SGK1: variants seen among roughly 807,000 people sequenced by gnomAD.
SGK1 encodes serine/threonine-protein kinase Sgk1.
SGK1 carries 26 observed loss-of-function variants against 64.2 expected under a neutral mutation model. The ratio of observed to expected loss-of-function variants is 0.40; its 90% CI spans 0.30 to 0.56. The LOEUF is 0.56. Among genes scored for constraint, SGK1 ranks in the 20% least tolerant of loss-of-function variants. The pLI, the probability that SGK1 is intolerant of heterozygous loss-of-function variation, is 0.38. For missense variants in SGK1, 519 were observed against 645.6 expected, an observed-to-expected ratio of 0.80 and a Z score of 2.12; for synonymous variants, 265 against 239.7, an observed-to-expected ratio of 1.11 and a Z score of -0.98.
chr6:134,236,815 T>C (rs1776371531), intron 2 of SGK1, among the ~76,000 whole-genome samples: 2 of 149,764 alleles, frequency 1.3e-5, no homozygotes, highest in South Asian at 4.2e-4. Flanking sequence ...GTTTGCTACC[T>C]GTTGAGCTCC....
At chr6:134,221,898 C>T (rs1776095853) in intron 2 of SGK1, among the ~76,000 whole-genome samples, 1 of 152,104 alleles carries the variant, frequency 6.6e-6, no homozygotes, top group Admixed American at 6.6e-5. Context: ...AGTGATCCAC[C>T]CAGCTTGGCC....
At chr6:134,176,108 G>A in intron 3 of SGK1, 1 of 471,978 alleles carries the variant, frequency 2.1e-6, no homozygotes, top group Non-Finnish European at 2.8e-6. Context: ...GAGGTAACAA[G>A]CGAAGGGAGG....
At chr6:134,222,388 T>G (rs1041110120) in intron 2 of SGK1, among the ~76,000 whole-genome samples, 2 of 150,250 alleles carry the variant, frequency 1.3e-5, no homozygotes, top group Non-Finnish European at 2.9e-5. Flanking sequence ...CAGGCTGGAG[T>G]GCAATGGCGC....
intron 1 of SGK1, among the ~76,000 whole-genome samples, chr6:134,269,622 C>T (rs1776909595): frequency 7.0e-6 from 1 of 143,294 alleles, no homozygotes; most frequent in Non-Finnish European, 1.5e-5. Flanking sequence ...CGTGCCACTG[C>T]ACTCCAGCCT....
rs141130901 is a variant in SGK1 at position 134,316,743 on chromosome 6, C to CAA, written c.69+647_69+648dup. ...ATACAGACCTCCCACTGCTCTCTCCCAAAAAAAAAAAAAAAAAAAAAAAAA... is the reference window on the plus strand; with the variant it reads ...ATACAGACCTCCCACTGCTCTCTCCCAAAAAAAAAAAAAAAAAAAAAAAAAAA... On this transcript the variant is annotated intron_variant, in intron 1 of 13. Transcript: ENST00000367858. Among the ~76,000 whole-genome samples, 122 of 39,336 alleles carry CAA rather than the reference C, an allele frequency of 3.1e-3. 3 individuals carry two copies. Among genetic ancestry groups the CAA allele is most frequent in the Non-Finnish European group, 3.7e-3 (83 of 22,730 alleles). The allele number at this position is 39,336 out of a possible 152,430, so 25.8% of individuals were successfully genotyped here.
At chr6:134,313,071 C>A (rs531134734) in intron 1 of SGK1, among the ~76,000 whole-genome samples, 1 of 152,304 alleles carries the variant, frequency 6.6e-6, no homozygotes, top group South Asian at 2.1e-4. Flanking sequence ...ACGCGCCCAG[C>A]CTGTGTATGA....
chr6:134,270,145 T>C (rs1241060877), intron 1 of SGK1, among the ~76,000 whole-genome samples: 1 of 148,066 alleles, frequency 6.8e-6, no homozygotes, highest in Non-Finnish European at 1.5e-5. Flanking sequence ...GATCTCGAAC[T>C]CCTGACCTCA....
At chr6:134,170,785 C>T in intron 13 of SGK1, 41 bp downstream of exon 13, 1 of 1,292,438 alleles carries the variant, frequency 7.7e-7, no homozygotes, top group Non-Finnish European at 1.1e-6. Flanking sequence ...AATAAATGCC[C>T]TTTGGGCTTC....
chr6:134,303,814 G>C (rs781708660), intron 1 of SGK1, among the ~76,000 whole-genome samples: 7 of 151,052 alleles, frequency 4.6e-5, no homozygotes, highest in Non-Finnish European at 8.9e-5. Flanking sequence ...GAAAAGAAAA[G>C]AAAGAAACTT....
At chr6:134,232,473 A>AAGAAAG (rs1554222981) in intron 2 of SGK1, among the ~76,000 whole-genome samples, 7,473 of 95,282 alleles carry the variant, frequency 0.078, 800 homozygotes, top group African/African-American at 0.11. Flanking sequence ...GAAAGAAAGA[A>AAGAAAG]AGAAAGAAAG....
In SGK1 at chr6:134,293,485, C is replaced by T. The variant is rs185343158; in HGVS notation, c.69+23907G>A. 9.9e-5 allele frequency among the ~76,000 whole-genome samples: 15 copies of T among 152,264 alleles called. No individual in the cohort carries two copies. In the East Asian group the frequency reaches 2.9e-3, roughly 29 times the overall value. ...GTTTCACTTTACAAACAGGTTTTGA[C>T]ATTGTGTAGATAAAACTTTGATATC... On this transcript the variant is annotated intron_variant, in intron 1 of 13. Coordinates refer to ENST00000367858, the MANE Select transcript of SGK1 (RefSeq NM_001143676.3).
At chr6:134,246,620 T>G (rs1227908562) in intron 2 of SGK1, among the ~76,000 whole-genome samples, 1 of 152,096 alleles carries the variant, frequency 6.6e-6, no homozygotes, top group Non-Finnish European at 1.5e-5. Context: ...TGACACAGAG[T>G]CTTGCTCTAT....
At position 134,311,221 on chromosome 6, in the gene SGK1, G is replaced by A. The variant is rs1467389135; in HGVS notation, c.69+6171C>T. Among the ~76,000 whole-genome samples, 4 of 152,238 alleles carry A rather than the reference G, an allele frequency of 2.6e-5. No homozygotes were observed. The East Asian group carries it at 7.7e-4, about 29-fold the overall frequency. ...TTAAAGGAAGACGGAGGAGGAAGGA[G>A]AAGAGGGCAATGACTTAGGGGCAAG... On this transcript the variant is annotated intron_variant, in intron 1 of 13. Coordinates refer to ENST00000367858, the MANE Select transcript of SGK1 (RefSeq NM_001143676.3).
intron 10 of SGK1, 165 bp downstream of exon 10, chr6:134,172,028 G>A: frequency 2.4e-6 from 2 of 834,738 alleles, no homozygotes; most frequent in Admixed American, 4.8e-5. Flanking sequence ...GAAGGACTTG[G>A]GATTTCTCAT....
At chr6:134,175,133 C>G (rs1013630847) in intron 3 of SGK1, among the ~76,000 whole-genome samples, 1 of 152,152 alleles carries the variant, frequency 6.6e-6, no homozygotes, top group South Asian at 2.1e-4. Context: ...AGAGAGAGAA[C>G]GCGCCGGCGG....
intron 2 of SGK1, among the ~76,000 whole-genome samples, chr6:134,229,063 C>A (rs1240906620): frequency 6.6e-6 from 1 of 152,268 alleles, no homozygotes; most frequent in South Asian, 2.1e-4. Flanking sequence ...GATCTCCTGA[C>A]CTCGTGATCC....
intron 2 of SGK1, among the ~76,000 whole-genome samples, chr6:134,254,175 G>C (rs1165541535): frequency 6.9e-6 from 1 of 145,300 alleles, no homozygotes; most frequent in Non-Finnish European, 1.5e-5. Context: ...AGCTAATAAA[G>C]GCAAAAAGAA....
rs59102879 is a variant in SGK1, at chr6:134,258,106, AT to A, written c.285+3826del. 7.5e-3 allele frequency among the ~76,000 whole-genome samples: 1,079 copies of A among 144,010 alleles called. 2 individuals carry two copies. Among genetic ancestry groups the A allele is most frequent in the African/African-American group, 0.019 (745 of 39,546 alleles). The allele number at this position is 144,010 out of a possible 152,430, so 94.5% of individuals were successfully genotyped here. A position where few individuals can be genotyped will look rare whatever the true frequency, so the allele number is the denominator to read the frequency against. On this transcript the variant is annotated intron_variant, in intron 2 of 13. Coordinates refer to ENST00000367858, the MANE Select transcript of SGK1 (RefSeq NM_001143676.3). ...ATCCCTATAAAAACACAAAATATAG[AT>A]TTTTTTTTTTTTTGAGACAGGGTCT...
At chr6:134,221,006 A>T (rs1050156776) in intron 2 of SGK1, among the ~76,000 whole-genome samples, 2 of 151,062 alleles carry the variant, frequency 1.3e-5, no homozygotes, top group Non-Finnish European at 2.9e-5. Context: ...AAATTTTATT[A>T]AAAAAAGTTT....
Sources: gnomAD v4.1 joint callset for allele counts (sites outside exome capture counted in the v4.1 genomes callset) on GRCh38, gnomAD v4.1.1 for gene constraint, MANE v1.5 for transcripts, NCBI Gene and HGNC (gene_info 2026-07-23, HGNC 2026-07-21) for gene names.